The following ZSCAN12 variants were observed in gnomAD, a reference collection of about 807,000 sequenced individuals.
ZSCAN12 encodes the protein zinc finger and SCAN domain containing 12.
ZSCAN12 carries 18 observed loss-of-function variants against 23.4 expected under a neutral mutation model. The ratio of observed to expected loss-of-function variants is 0.77; its 90% confidence interval spans 0.53 to 1.14. The LOEUF (loss-of-function observed/expected upper bound fraction) is 1.14, where lower values mean the gene tolerates loss of function less well. Ranked by LOEUF, ZSCAN12 falls within the 50% of genes most tolerant of loss-of-function variation. The probability of loss-of-function intolerance (pLI) is 0.00; values close to 1 mark genes in which losing one functional copy is unlikely to be tolerated. For synonymous variants in ZSCAN12, 186 were observed against 253.4 expected (o/e 0.73, Z 2.53); for missense variants, 650 against 735.0 (o/e 0.88, Z 1.34).
Position 28,391,377 on chromosome 6 carries a change from C to T in ZSCAN12, c.913G>A (p.Glu305Lys), listed in dbSNP as rs751236815. ...CCACGGAAAGCTTTTCCACATTCTT[C>T]GCATTTGTAGGGTCTATCTCCAGTA... is the stretch of plus-strand genomic sequence containing the variant. ...IHTGDRPYKC[E>K]ECGKAFRGRT... is the part of the protein sequence containing the mutation. Residue 305 changes from glutamate to lysine, a missense_variant, in exon 4 of 4, where the codon GAA becomes AAA. Glu to Lys is a moderately conservative substitution (Grantham distance 56, BLOSUM62 1). Transcript: ENST00000684592. The surrounding 1 kb of genome is among the most constrained non-coding windows in gnomAD (Gnocchi z 4.1). 108 of 1,551,734 alleles carry T rather than the reference C, an allele frequency of 7.0e-5. No homozygotes were observed. The Admixed American group carries it at 8.4e-4, about 12-fold the overall frequency.
chr6:28,383,909 GAGAGAGCCCACAACA>G (rs536947126), downstream of ZSCAN12, among the ~76,000 whole-genome samples: 48 of 152,330 alleles, frequency 3.2e-4, no homozygotes, highest in East Asian at 7.7e-3. Context: ...CAATGCATTT[GAGAGAGCCCACAACA>G]ACAATCAAAA....
At position 28,398,456 on chromosome 6, in the gene ZSCAN12, C is replaced by T; in HGVS notation, c.-51G>A. 3 of 1,478,048 alleles carry T rather than the reference C, an allele frequency of 2.0e-6. No homozygotes were observed. The highest frequency in any genetic ancestry group is 2.7e-6 in the Non-Finnish European group (3 of 1,107,640). The allele number at this position is 1,478,048 out of a possible 1,614,324, so 91.6% of individuals were successfully genotyped here. ...TTTCAAGTAAGATCTCACCTGGAAA[C>T]TGTATTCCTGGACAGTCCTGAAGAA... On this transcript the variant is annotated 5_prime_UTR_variant, in exon 2 of 4. Coordinates refer to ENST00000684592, the MANE Select transcript of ZSCAN12 (RefSeq NM_001163391.2).
chr6:28,379,157 C>T (rs1361129674), exon 5 of ZSCAN12: 1 of 152,150 alleles, frequency 6.6e-6, no homozygotes, highest in Non-Finnish European at 1.5e-5. Flanking sequence ...AACTTGTTGA[C>T]AGCTTCTAAA....
At position 28,398,068 on chromosome 6, in the gene ZSCAN12, C is replaced by T; in HGVS notation, c.338G>A (p.Ser113Asn). The T allele has an allele frequency of 1.9e-6, 3 of 1,613,552 alleles. No homozygotes were observed. The highest frequency in any genetic ancestry group is 2.5e-6 in the Non-Finnish European group (3 of 1,179,650). ...CAGCACAGTCACCACCTCCTCCCCA[C>T]TCTCTGGATGCTGCTCCTGCACCCA... Reference protein sequence around the residue: ...QAWVQEQHPESGEEVVTVLED... With the variant: ...QAWVQEQHPENGEEVVTVLED... The change falls in exon 2 of 4, where the codon AGT becomes AAT. Residue 113 changes from serine to asparagine, a missense_variant. Ser to Asn is a conservative substitution (Grantham distance 46). Coordinates refer to ENST00000684592, the MANE Select transcript of ZSCAN12 (RefSeq NM_001163391.2).
rs1760794191 is a variant in ZSCAN12 at position 28,390,991 on chromosome 6, C to G, written c.1299G>C (p.Gln433His). 1.9e-6 allele frequency: 3 copies of G among 1,556,022 alleles called. No homozygotes were observed. Among genetic ancestry groups the G allele is most frequent in the Non-Finnish European group, 2.6e-6 (3 of 1,149,394 alleles). The change falls in exon 4 of 4, where the codon CAG becomes CAC. Residue 433 changes from glutamine to histidine, a missense_variant. By Grantham distance (24) the Gln-to-His change is conservative. Transcript: ENST00000684592. ...AGCATTTTTCTTTGTGGTGGATTTCCTGATGGGAAACAAGGGATGAGTTAT... is the reference window on the plus strand; with the variant it reads ...AGCATTTTTCTTTGTGGTGGATTTCGTGATGGGAAACAAGGGATGAGTTAT... ...FVYNSSLVSH[Q>H]EIHHKEKCYQ... is the part of the protein sequence containing the mutation.
intron 2 of ZSCAN12, among the ~76,000 whole-genome samples, chr6:28,397,766 T>C (rs1038762971): frequency 8.5e-5 from 13 of 152,164 alleles, no homozygotes; most frequent in African/African-American, 3.1e-4. Flanking sequence ...TTTTCTAAGA[T>C]GAGCAGCATG....
At position 28,387,787 on chromosome 6, in the gene ZSCAN12, A is replaced by ACT. The variant is rs557844947; in HGVS notation, c.*2665_*2666dup. On this transcript the variant is annotated 3_prime_UTR_variant, in exon 4 of 4. Coordinates refer to ENST00000684592, the MANE Select transcript of ZSCAN12 (RefSeq NM_001163391.2). Reference sequence around the variant, plus strand: ...ACAAAGAAGTTCCCAACCTCCTTGGACTCTTGCTGGCGCCCAGATGTCTGT... The same window carrying ACT: ...ACAAAGAAGTTCCCAACCTCCTTGGACTCTCTTGCTGGCGCCCAGATGTCTGT... 1.4e-3 allele frequency among the ~76,000 whole-genome samples: 219 copies of ACT among 152,088 alleles called. No homozygotes were observed. The highest frequency in any genetic ancestry group is 5.2e-3 in the African/African-American group (214 of 41,480).
chr6:28,393,097 A>G (rs1760937879), intron 2 of ZSCAN12, 51 bp from the exon 3 acceptor site: 6 of 1,539,868 alleles, frequency 3.9e-6, no homozygotes, highest in Non-Finnish European at 5.3e-6. Flanking sequence ...ACAGAAAACA[A>G]AAAGTATACT....
chr6:28,382,534 G>C (rs1394124893), downstream of ZSCAN12: 3 of 1,551,834 alleles, frequency 1.9e-6, no homozygotes, highest in Non-Finnish European at 2.6e-6. Context: ...GAATGAGAGA[G>C]CTCAGGAGAA....
rs112497939 is a variant in ZSCAN12, at chr6:28,391,543, A to G, written c.747T>C (p.Asp249=). Residue 249 remains aspartate (D), a synonymous_variant, in exon 4 of 4, where the codon GAT becomes GAC. Transcript: ENST00000684592. This position sits in a 1 kb window ranked among gnomAD's most constrained non-coding sequence, Gnocchi z 4.1. ...CSREDKQPTC[D]ENGVSLTENS... is the part of the protein sequence containing the mutation. ...TCTCAGTCAGGCTTACTCCATTTTC[A>G]TCACAGGTAGGTTGTTTATCTTCTC... 6.4e-7 allele frequency: 1 copy of G among 1,552,218 alleles called. No homozygotes were observed. Among genetic ancestry groups the G allele is most frequent in the Non-Finnish European group, 8.7e-7 (1 of 1,147,108 alleles).
chr6:28,395,089 C>T (rs1048941371), intron 2 of ZSCAN12, among the ~76,000 whole-genome samples: 3 of 151,970 alleles, frequency 2.0e-5, no homozygotes, highest in Non-Finnish European at 2.9e-5. Flanking sequence ...TGCCTGCCAC[C>T]ACACCCAGCT....
At chr6:28,382,032 C>G, downstream of ZSCAN12, 1 of 152,766 alleles carries the variant, frequency 6.5e-6, no homozygotes, top group Non-Finnish European at 1.5e-5. Context: ...TTCAGGTTTG[C>G]TGCTTTCTAT....
chr6:28,391,947 A>G lies in ZSCAN12; in HGVS notation c.548-205T>C, dbSNP rs958362463. On this transcript the variant is annotated intron_variant, in intron 3 of 3. Transcript: ENST00000684592. This position sits in a 1 kb window ranked among gnomAD's most constrained non-coding sequence, Gnocchi z 4.1. The stretch of plus-strand genomic sequence containing the variant: ...ACACGAAAAATTAGTAACAGTTACA[A>G]CCTATTTCAGAGTAGGAGGAAGAGA... Among the ~76,000 whole-genome samples the G allele has an allele frequency of 6.6e-6, 1 of 152,206 alleles. No homozygotes were observed. The highest frequency in any genetic ancestry group is 1.5e-5 in the Non-Finnish European group (1 of 68,036).
downstream of ZSCAN12, among the ~76,000 whole-genome samples, chr6:28,384,240 T>C (rs1760435506): frequency 6.6e-6 from 1 of 152,096 alleles, no homozygotes; most frequent in Non-Finnish European, 1.5e-5. Context: ...AGACATCTAC[T>C]CCTAAATTCG....
At chr6:28,379,424 A>AC (rs958077318) in exon 5 of ZSCAN12, 1 of 152,076 alleles carries the variant, frequency 6.6e-6, no homozygotes, top group African/African-American at 2.4e-5. Flanking sequence ...ACATGGTGAA[A>AC]CCCCGTCTCT....
downstream of ZSCAN12, among the ~76,000 whole-genome samples, chr6:28,384,145 T>C (rs1410501280): frequency 2.0e-5 from 3 of 152,150 alleles, no homozygotes; most frequent in Non-Finnish European, 2.9e-5. Flanking sequence ...TCTTAAACCC[T>C]ATCTCAGGAA....
At chr6:28,398,661 T>C (rs1224902950) in intron 1 of ZSCAN12, among the ~76,000 whole-genome samples, 188 bp from the exon 2 acceptor site, 3 of 150,158 alleles carry the variant, frequency 2.0e-5, no homozygotes, top group Non-Finnish European at 4.4e-5. Flanking sequence ...CTCACGCCTG[T>C]AATCCCAGCA....
In ZSCAN12 at chr6:28,398,400, T is replaced by A; in HGVS notation, c.6A>T (p.Ala2=). The change falls in exon 2 of 4, where the codon GCA becomes GCT. Residue 2 remains alanine, a synonymous_variant. Transcript: ENST00000684592. M[A]STWAIQAHMD... ...TGTGGGCCTGGATAGCCCAAGTAGA[T>A]GCCATTTTAGCTGTGCTAGAACTAC... 6.5e-7 allele frequency: 1 copy of A among 1,544,806 alleles called. No individual in the cohort carries two copies. The highest frequency in any genetic ancestry group is 2.4e-5 in the East Asian group (1 of 40,856).
Position 28,386,193 on chromosome 6 carries a change from A to G in ZSCAN12, c.*4261T>C, listed in dbSNP as rs148208741. On this transcript the variant is annotated 3_prime_UTR_variant, in exon 4 of 4. Transcript: ENST00000684592. ...ACTTTAGAAACTTGGCTCTTCCCCA[A>G]CCTCTCCATGCTTTTTGCCTTAAAC... is the stretch of plus-strand genomic sequence containing the variant. Among the ~76,000 whole-genome samples, 42 of 151,608 alleles carry G rather than the reference A, an allele frequency of 2.8e-4. 1 individual carries two copies. In the East Asian group the frequency reaches 7.9e-3, roughly 29 times the overall value.
Sources: allele counts gnomAD v4.1 joint callset (sites outside exome capture counted in the v4.1 genomes callset), GRCh38; gene constraint gnomAD v4.1.1; non-coding constraint Gnocchi (gnomAD v3.1); transcripts MANE v1.5; gene names NCBI Gene and HGNC (gene_info 2026-07-23, HGNC 2026-07-21).